HSD17B12: variants seen among roughly 807,000 people sequenced by gnomAD.
HSD17B12 encodes hydroxysteroid 17-beta dehydrogenase 12.
HSD17B12 carries 32 observed loss-of-function variants against 39.3 expected under a neutral mutation model. The ratio of observed to expected loss-of-function variants is 0.81; its 90% CI spans 0.61 to 1.09. HSD17B12 has a LOEUF of 1.09. HSD17B12 is among the 50% of genes least tolerant of loss of function. The pLI is 0.00. For missense variants in HSD17B12, 342 were observed against 382.9 expected (o/e 0.89, Z 0.89); for synonymous variants, 150 against 146.7 (o/e 1.02, Z -0.16).
At chr11:43,675,863 G>C (rs2134724094), upstream of HSD17B12, among the ~76,000 whole-genome samples, 1 of 152,322 alleles carries the variant, frequency 6.6e-6, no homozygotes, top group African/African-American at 2.4e-5. Flanking sequence ...TGTAATCCTA[G>C]CACTTTCGGA....
chr11:43,735,503 G>A (rs1406008716), intron 1 of HSD17B12, among the ~76,000 whole-genome samples: 2 of 152,122 alleles, frequency 1.3e-5, no homozygotes, highest in South Asian at 2.1e-4. Context: ...CTCTAATAAT[G>A]TTGAGCTTTT....
chr11:43,565,223 G>T, the HSD17B12 span, among the ~76,000 whole-genome samples: 1 of 152,106 alleles, frequency 6.6e-6, no homozygotes, highest in Admixed American at 6.5e-5. Flanking sequence ...ATAGTCAGTG[G>T]TCCTCAGGCC....
the HSD17B12 span, among the ~76,000 whole-genome samples, chr11:43,599,898 C>A: frequency 6.6e-6 from 1 of 152,032 alleles, no homozygotes. Flanking sequence ...ATAAACATTT[C>A]TTTTTTATTG....
At chr11:43,638,318 G>A in the HSD17B12 span, among the ~76,000 whole-genome samples, 7 of 152,182 alleles carry the variant, frequency 4.6e-5, no homozygotes, top group Admixed American at 4.6e-4. Context: ...TGTGTTTAAA[G>A]AGAGATTTCA....
chr11:43,640,208 G>A, the HSD17B12 span, among the ~76,000 whole-genome samples: 2 of 152,078 alleles, frequency 1.3e-5, no homozygotes, highest in Middle Eastern at 3.2e-3. Context: ...GGGGAGGGGG[G>A]AAAGCAGCAC....
At chr11:43,616,728 C>A in the HSD17B12 span, among the ~76,000 whole-genome samples, 36 of 148,466 alleles carry the variant, frequency 2.4e-4, 1 homozygote, top group Admixed American at 1.6e-3. Flanking sequence ...CACTTTTAAC[C>A]TCTATGCTGC....
chr11:43,668,327 A>G, the HSD17B12 span, among the ~76,000 whole-genome samples: 6 of 152,282 alleles, frequency 3.9e-5, no homozygotes, highest in Admixed American at 6.5e-5. Flanking sequence ...TGCATCTCTA[A>G]TCATTCTCCC....
chr11:43,814,331 G>A (rs1951101307), intron 4 of HSD17B12, among the ~76,000 whole-genome samples: 2 of 152,080 alleles, frequency 1.3e-5, no homozygotes, highest in East Asian at 3.9e-4. Context: ...TTCCTAATAT[G>A]TAAGAGGAAA....
At chr11:43,850,063 T>C (rs1951515993) in intron 9 of HSD17B12, among the ~76,000 whole-genome samples, 1 of 152,220 alleles carries the variant, frequency 6.6e-6, no homozygotes, top group African/African-American at 2.4e-5. Flanking sequence ...ATTTAGATGC[T>C]AAGATTTATA....
chr11:43,574,887 A>G, the HSD17B12 span, among the ~76,000 whole-genome samples: 3 of 152,166 alleles, frequency 2.0e-5, no homozygotes, highest in Non-Finnish European at 4.4e-5. Flanking sequence ...TCCTCCTACC[A>G]TTCAACAAAA....
At chr11:43,715,689 C>T (rs1950115808) in intron 1 of HSD17B12, among the ~76,000 whole-genome samples, 1 of 152,104 alleles carries the variant, frequency 6.6e-6, no homozygotes, top group Non-Finnish European at 1.5e-5. Context: ...GGAATAGTTT[C>T]AGAAGGAATG....
intron 1 of HSD17B12, among the ~76,000 whole-genome samples, chr11:43,698,491 A>G (rs1167003254): frequency 1.3e-5 from 2 of 152,244 alleles, no homozygotes; most frequent in Non-Finnish European, 2.9e-5. Context: ...ACATTGTGCT[A>G]TAGTTGGGTC....
intron 6 of HSD17B12, among the ~76,000 whole-genome samples, chr11:43,821,240 T>C (rs1951179950): frequency 6.6e-6 from 1 of 152,214 alleles, no homozygotes; most frequent in African/African-American, 2.4e-5. Flanking sequence ...GGGCTCTCCC[T>C]TTACAAGGGA....
chr11:43,820,788 T>C (rs1951174975), intron 6 of HSD17B12, among the ~76,000 whole-genome samples: 1 of 152,216 alleles, frequency 6.6e-6, no homozygotes, highest in South Asian at 2.1e-4. Context: ...CCTTGTGACT[T>C]TGGGCTTGTG....
chr11:43,666,151 G>A, the HSD17B12 span, among the ~76,000 whole-genome samples: 1 of 152,060 alleles, frequency 6.6e-6, no homozygotes, highest in Non-Finnish European at 1.5e-5. Flanking sequence ...AGAGCCCTTA[G>A]GCATGCTAGT....
intron 1 of HSD17B12, among the ~76,000 whole-genome samples, chr11:43,727,053 C>G (rs1272305858): frequency 6.6e-6 from 1 of 152,164 alleles, no homozygotes; most frequent in African/African-American, 2.4e-5. Flanking sequence ...GGTGAACTTA[C>G]TTAAATATAC....
chr11:43,614,313 C>G, the HSD17B12 span, among the ~76,000 whole-genome samples: 1 of 152,152 alleles, frequency 6.6e-6, no homozygotes, highest in Non-Finnish European at 1.5e-5. Context: ...CGTTTCAGCA[C>G]TTTAAAAATG....
chr11:43,827,639 G>A (rs1951258110), intron 6 of HSD17B12, among the ~76,000 whole-genome samples: 1 of 152,160 alleles, frequency 6.6e-6, no homozygotes, highest in Non-Finnish European at 1.5e-5. Context: ...AGTCGTAACT[G>A]CAGATGGTTA....
chr11:43,691,647 A>G (rs1334498603), intron 1 of HSD17B12, among the ~76,000 whole-genome samples: 1 of 152,166 alleles, frequency 6.6e-6, no homozygotes, highest in Non-Finnish European at 1.5e-5. Flanking sequence ...CCCCTTCCTT[A>G]TACCTTACAC....
Sources: allele counts gnomAD v4.1 joint callset (sites outside exome capture counted in the v4.1 genomes callset), GRCh38; gene constraint gnomAD v4.1.1; transcripts MANE v1.5; gene names NCBI Gene and HGNC (gene_info 2026-07-23, HGNC 2026-07-21).